Variants in SNX24 observed in about 807,000 individuals in gnomAD.
SNX24 encodes sorting nexin 24, also known as sorting nexin-24.
SNX24 carries 22 observed loss-of-function variants against 28.7 expected under a neutral mutation model. The observed-to-expected ratio is 0.77, with a 90% CI of 0.55 to 1.10. SNX24 has a LOEUF of 1.10. SNX24 is among the 50% of genes least tolerant of loss of function. The probability of loss-of-function intolerance (pLI) is 0.00; values close to 1 mark genes in which losing one functional copy is unlikely to be tolerated. For synonymous variants in SNX24, 69 were observed against 71.5 expected, an observed-to-expected ratio of 0.96 and a Z score of 0.18; for missense variants, 221 against 201.1, an observed-to-expected ratio of 1.10 and a Z score of -0.60.
In SNX24 at chr5:122,847,240, C is replaced by T. The variant is rs142225910; in HGVS notation, c.60+1547C>T. ...AATAGACCATAATTAAGGCTCATTG[C>T]CCATTGTTGATTTTCTTCTATTAGA... On this transcript the variant is annotated intron_variant, in intron 1 of 6. Transcript: ENST00000261369. 2.3e-4 allele frequency among the ~76,000 whole-genome samples: 35 copies of T among 152,264 alleles called. No individual in the cohort carries two copies. In the East Asian group the frequency reaches 6.6e-3, roughly 29 times the overall value.
chr5:122,958,946 C>T (rs1047107337), intron 3 of SNX24, among the ~76,000 whole-genome samples: 1 of 152,078 alleles, frequency 6.6e-6, no homozygotes, highest in African/African-American at 2.4e-5. Flanking sequence ...GAATTTTTGT[C>T]TGTAGTTTTC....
intron 1 of SNX24, among the ~76,000 whole-genome samples, chr5:122,870,980 T>C (rs1297349290): frequency 6.6e-6 from 1 of 152,168 alleles, no homozygotes; most frequent in Non-Finnish European, 1.5e-5. Context: ...AAACTACTGA[T>C]GCCTGGGGCC....
chr5:122,923,146 CA>C (rs1758516302), intron 1 of SNX24, among the ~76,000 whole-genome samples: 1 of 151,966 alleles, frequency 6.6e-6, no homozygotes, highest in Admixed American at 6.6e-5. Flanking sequence ...GCCTGGGCAA[CA>C]AATCAAGACC....
At chr5:123,011,718 A>G (rs1276849518), downstream of SNX24, among the ~76,000 whole-genome samples, 1 of 152,220 alleles carries the variant, frequency 6.6e-6, no homozygotes, top group African/African-American at 2.4e-5. Context: ...GTAACTGTAC[A>G]TTGCTGGTGG....
intron 1 of SNX24, among the ~76,000 whole-genome samples, chr5:122,911,378 C>G (rs1169992925): frequency 2.0e-5 from 3 of 152,144 alleles, no homozygotes; most frequent in Non-Finnish European, 4.4e-5. Flanking sequence ...AGCCCTTCGT[C>G]AGATGAGTAG....
At chr5:122,938,637 G>A (rs1256530852) in intron 2 of SNX24, among the ~76,000 whole-genome samples, 1 of 145,368 alleles carries the variant, frequency 6.9e-6, no homozygotes, top group South Asian at 2.2e-4. Context: ...TTGGCAAAAA[G>A]GTAACTTTAA....
chr5:122,922,507 C>T (rs1230578068), intron 1 of SNX24, among the ~76,000 whole-genome samples: 1 of 151,966 alleles, frequency 6.6e-6, no homozygotes, highest in Non-Finnish European at 1.5e-5. Context: ...CCCACCTCAG[C>T]CTCCCAAAGT....
intron 3 of SNX24, among the ~76,000 whole-genome samples, chr5:122,981,790 G>C (rs191611789): frequency 1.3e-5 from 2 of 152,158 alleles, no homozygotes; most frequent in Non-Finnish European, 2.9e-5. Flanking sequence ...TGATTCTCCC[G>C]CCTCAGCCTC....
At chr5:122,937,221 C>A (rs1234579444) in intron 2 of SNX24, among the ~76,000 whole-genome samples, 1 of 152,136 alleles carries the variant, frequency 6.6e-6, no homozygotes, top group Non-Finnish European at 1.5e-5. Context: ...TTACATGTAC[C>A]TGGAAAAGAT....
chr5:122,947,719 T>C (rs1453184826), intron 3 of SNX24, among the ~76,000 whole-genome samples: 3 of 152,082 alleles, frequency 2.0e-5, no homozygotes, highest in Admixed American at 6.5e-5. Context: ...CTTCAGAAAT[T>C]GTATGCAAAG....
chr5:123,009,292 C>T (rs147690034), downstream of SNX24: 483 of 854,272 alleles, frequency 5.7e-4, 3 homozygotes, highest in African/African-American at 8.3e-3. Flanking sequence ...TGTGCACACA[C>T]AAAACCTCTC....
intron 2 of SNX24, among the ~76,000 whole-genome samples, chr5:122,942,704 G>T (rs10043974): frequency 0.023 from 3,498 of 152,266 alleles, 161 homozygotes; most frequent in African/African-American, 0.079. Context: ...CAGACAGGCA[G>T]TTTGCCTGGA....
intron 3 of SNX24, among the ~76,000 whole-genome samples, chr5:122,947,816 A>G (rs142691110): frequency 2.8e-3 from 423 of 152,354 alleles, no homozygotes; most frequent in Non-Finnish European, 4.1e-3. Flanking sequence ...GATATTGTAT[A>G]TCTTCAAGCT....
intron 5 of SNX24, among the ~76,000 whole-genome samples, chr5:123,026,208 C>T (rs41527147): frequency 0.12 from 18,832 of 152,144 alleles, 1,449 homozygotes; most frequent in East Asian, 0.34. Context: ...TAGTGGGATA[C>T]TCTCTGGCCT....
chr5:122,905,954 G>T (rs1581729685), intron 1 of SNX24, among the ~76,000 whole-genome samples: 1 of 152,310 alleles, frequency 6.6e-6, no homozygotes, highest in Non-Finnish European at 1.5e-5. Flanking sequence ...ATGTGGTAAA[G>T]TCTTAAATAG....
At chr5:123,004,932 G>T (rs1163183514) in intron 6 of SNX24, among the ~76,000 whole-genome samples, 1 of 152,116 alleles carries the variant, frequency 6.6e-6, no homozygotes, top group African/African-American at 2.4e-5. Context: ...AGCAAAACCT[G>T]CCCTAAATCA....
At chr5:122,937,699 C>T (rs188043765) in intron 2 of SNX24, among the ~76,000 whole-genome samples, 13 of 152,246 alleles carry the variant, frequency 8.5e-5, no homozygotes, top group Middle Eastern at 3.4e-3. Context: ...TCTGTTAGGA[C>T]GGCAAGGGAT....
intron 3 of SNX24, among the ~76,000 whole-genome samples, chr5:122,951,128 G>A (rs543517274): frequency 4.6e-5 from 7 of 151,864 alleles, no homozygotes; most frequent in African/African-American, 7.2e-5. Flanking sequence ...TTAGCCAGGC[G>A]TGGTGGCGGG....
intron 1 of SNX24, among the ~76,000 whole-genome samples, chr5:122,906,067 T>C (rs1757635746): frequency 6.6e-6 from 1 of 152,208 alleles, no homozygotes; most frequent in Non-Finnish European, 1.5e-5. Flanking sequence ...CAGAGAGCTC[T>C]AAGACCACAG....
Sources: allele counts gnomAD v4.1 joint callset (sites outside exome capture counted in the v4.1 genomes callset), GRCh38; gene constraint gnomAD v4.1.1; transcripts MANE v1.5; gene names NCBI Gene and HGNC (gene_info 2026-07-23, HGNC 2026-07-21).